USP13: variants seen among roughly 807,000 people sequenced by gnomAD.
USP13 encodes ubiquitin carboxyl-terminal hydrolase 13.
A neutral mutation model predicts 107.8 loss-of-function variants in USP13; 68 were observed. That is an observed-to-expected ratio of 0.63 (90% confidence interval 0.52 to 0.77). The LOEUF (loss-of-function observed/expected upper bound fraction) is 0.77. Among genes scored for constraint, USP13 ranks in the 30% least tolerant of loss-of-function variants. USP13 has a pLI of 0.00. For missense variants in USP13, 945 were observed against 1,093.3 expected (o/e 0.86, Z 1.91); for synonymous variants, 377 against 389.5 (o/e 0.97, Z 0.38).
intron 4 of USP13, 133 bp downstream of exon 4, chr3:179,701,262 G>A: frequency 8.3e-7 from 1 of 1,211,540 alleles, no homozygotes. Context: ...GGATGAAAAT[G>A]AGCATGAACA....
chr3:179,666,308 T>C (rs893197665), intron 1 of USP13, among the ~76,000 whole-genome samples: 2 of 152,228 alleles, frequency 1.3e-5, no homozygotes, highest in Non-Finnish European at 2.9e-5. Flanking sequence ...ATCATTTGTG[T>C]AAAGCTGCTG....
Position 179,653,159 on chromosome 3 carries a change from C to T in USP13, c.-67C>T. 1 of 1,086,380 alleles carries T rather than the reference C, an allele frequency of 9.2e-7. No homozygotes were observed. Among genetic ancestry groups the T allele is most frequent in the Non-Finnish European group, 1.1e-6 (1 of 894,828 alleles). The allele number at this position is 1,086,380 out of a possible 1,614,324, so 67.3% of individuals were successfully genotyped here. ...CCCGTCAGCCCGCTCGCTGGCGCCG[C>T]CGCCGCCGGCAGACCCCGCGCTCCG... On this transcript the variant is annotated 5_prime_UTR_variant, in exon 1 of 21. Transcript: ENST00000263966. The surrounding 1 kb of genome is among the most constrained non-coding windows in gnomAD (Gnocchi z 4.0).
rs1204799876 is a variant in USP13 at position 179,742,561 on chromosome 3, T to G, written c.1534+211T>G. Among the ~76,000 whole-genome samples, 2 of 152,208 alleles carry G rather than the reference T, an allele frequency of 1.3e-5. No individual in the cohort carries two copies. Among genetic ancestry groups the G allele is most frequent in the Non-Finnish European group, 2.9e-5 (2 of 68,030 alleles). The stretch of plus-strand genomic sequence containing the variant: ...ATGCATCACAGGTTTTATGGAGGCG[T>G]TATGGTTGGAACCTACGTCACTGCC... On this transcript the variant is annotated intron_variant, in intron 12 of 20. Transcript: ENST00000263966. The surrounding 1 kb of genome is among the most constrained non-coding windows in gnomAD (Gnocchi z 5.0).
chr3:179,749,094 T>G (rs1714508922), intron 13 of USP13, among the ~76,000 whole-genome samples: 1 of 151,978 alleles, frequency 6.6e-6, no homozygotes, highest in African/African-American at 2.4e-5. Context: ...AAGATTATGG[T>G]TTTTTTTAGT....
chr3:179,721,843 G>A lies in USP13; in HGVS notation c.1088+254G>A, dbSNP rs1329195778. 6.6e-6 allele frequency among the ~76,000 whole-genome samples: 1 copy of A among 151,940 alleles called. No homozygotes were observed. The highest frequency in any genetic ancestry group is 2.4e-5 in the African/African-American group (1 of 41,340). On this transcript the variant is annotated intron_variant, in intron 8 of 20. Coordinates refer to ENST00000263966, the MANE Select transcript of USP13 (RefSeq NM_003940.3). This position sits in a 1 kb window ranked among gnomAD's most constrained non-coding sequence, Gnocchi z 4.3. ...TCTCAGCACTTTGGGAGGCCGAGGC[G>A]GGCAGATCACGAGGTCAGGAGTTCA...
At chr3:179,694,600 C>CAA (rs1712221541) in intron 3 of USP13, among the ~76,000 whole-genome samples, 1 of 151,778 alleles carries the variant, frequency 6.6e-6, no homozygotes, top group Non-Finnish European at 1.5e-5. Context: ...GTCAGGAGTT[C>CAA]GGCAGCCTGG....
At position 179,785,021 on chromosome 3, in the gene USP13, C is replaced by T. The variant is rs575872866; in HGVS notation, c.*880C>T. 2.0e-5 allele frequency: 3 copies of T among 152,192 alleles called. No homozygotes were observed. Among genetic ancestry groups the T allele is most frequent in the Non-Finnish European group, 4.4e-5 (3 of 68,032 alleles). 9.4% of individuals were successfully genotyped at this position (152,192 alleles called of 1,614,324 possible). ...CTGGTGTAATGCTAGATGCCCACAG[C>T]AGCATAATATTGTACTTTGTCAAAG... is the stretch of plus-strand genomic sequence containing the variant. On this transcript the variant is annotated 3_prime_UTR_variant, in exon 21 of 21. Coordinates refer to ENST00000263966, the MANE Select transcript of USP13 (RefSeq NM_003940.3).
intron 17 of USP13, 52 bp from the exon 18 acceptor site, chr3:179,763,950 C>CAAA (rs556912091): frequency 1.1e-3 from 1,327 of 1,229,486 alleles, no homozygotes; most frequent in African/African-American, 1.9e-3. Flanking sequence ...TGTTTCAGGA[C>CAAA]AAAAAAAAAA....
chr3:179,733,525 A>C (rs898116896), intron 10 of USP13, among the ~76,000 whole-genome samples: 3 of 151,960 alleles, frequency 2.0e-5, no homozygotes, highest in Non-Finnish European at 2.9e-5. Context: ...AATTTGTGAG[A>C]CTCTTTCCTT....
chr3:179,740,515 C>T, intron 11 of USP13, 143 bp downstream of exon 11: 1 of 1,299,818 alleles, frequency 7.7e-7, no homozygotes, highest in Non-Finnish European at 1.1e-6. Flanking sequence ...AGAATCAGAT[C>T]CCTGGAAACT....
intron 8 of USP13, among the ~76,000 whole-genome samples, chr3:179,727,381 C>CT (rs1373147571): frequency 8.6e-6 from 1 of 116,610 alleles, no homozygotes; most frequent in African/African-American, 3.1e-5. Flanking sequence ...AAGGAGCATG[C>CT]TGCCTTCAAG....
chr3:179,705,990 T>C (rs914419547), intron 4 of USP13, among the ~76,000 whole-genome samples: 4 of 152,208 alleles, frequency 2.6e-5, no homozygotes, highest in African/African-American at 9.6e-5. Flanking sequence ...CCCAAAGTGC[T>C]AGGATTACAG....
Position 179,745,067 on chromosome 3 carries a change from C to T in USP13, c.1559C>T (p.Thr520Met), listed in dbSNP as rs754542205. Reference sequence around the variant, plus strand: ...GATGAACTGATCGCTTATGAACTAACGAGAAGGGAAGCAGAAGCAAACAGA... The same window carrying T: ...GATGAACTGATCGCTTATGAACTAATGAGAAGGGAAGCAGAAGCAAACAGA... ...NKDELIAYEL[T>M]RREAEANRRP... Residue 520 changes from threonine (T) to methionine (M), a missense_variant, in exon 13 of 21, where the codon ACG becomes ATG. Physicochemically the swap from Thr to Met is moderately conservative, Grantham distance 81. Coordinates refer to ENST00000263966, the MANE Select transcript of USP13 (RefSeq NM_003940.3). The T allele has an allele frequency of 7.4e-5, 120 of 1,613,984 alleles. No individual in the cohort carries two copies. Among genetic ancestry groups the T allele is most frequent in the Middle Eastern group, 1.6e-4 (1 of 6,084 alleles).
chr3:179,774,145 A>C (rs1328309312), intron 19 of USP13, among the ~76,000 whole-genome samples: 1 of 152,156 alleles, frequency 6.6e-6, no homozygotes, highest in Non-Finnish European at 1.5e-5. Context: ...CAAGAGAGAG[A>C]ACAAGCGAGA....
At chr3:179,663,622 A>G (rs545861327) in intron 1 of USP13, among the ~76,000 whole-genome samples, 2 of 152,314 alleles carry the variant, frequency 1.3e-5, no homozygotes, top group South Asian at 4.1e-4. Flanking sequence ...ACACTCTTGG[A>G]TATTTTTAAA....
intron 15 of USP13, among the ~76,000 whole-genome samples, chr3:179,756,273 G>A (rs1165556255): frequency 1.3e-5 from 2 of 152,008 alleles, no homozygotes; most frequent in Non-Finnish European, 1.5e-5. Flanking sequence ...AAATACGAAA[G>A]TTCACTGGGC....
At chr3:179,733,639 T>C (rs189099658) in intron 10 of USP13, among the ~76,000 whole-genome samples, 48 of 152,320 alleles carry the variant, frequency 3.2e-4, no homozygotes, top group Admixed American at 2.0e-3. Flanking sequence ...GGAAAGAAGA[T>C]TCACTGAAAC....
At chr3:179,695,548 A>G (rs1467362044) in intron 3 of USP13, among the ~76,000 whole-genome samples, 1 of 151,512 alleles carries the variant, frequency 6.6e-6, no homozygotes, top group Non-Finnish European at 1.5e-5. Flanking sequence ...TTTTTTTTTA[A>G]CTAGCAACGA....
intron 3 of USP13, among the ~76,000 whole-genome samples, chr3:179,699,483 G>A (rs543494490): frequency 2.0e-5 from 3 of 152,170 alleles, no homozygotes; most frequent in African/African-American, 7.2e-5. Flanking sequence ...ATGCTGAGGT[G>A]GGGGGATTGC....
Sources: gnomAD v4.1 joint callset for allele counts (sites outside exome capture counted in the v4.1 genomes callset) on GRCh38, gnomAD v4.1.1 for gene constraint, Gnocchi (gnomAD v3.1) non-coding constraint, MANE v1.5 for transcripts, NCBI Gene and HGNC (gene_info 2026-07-23, HGNC 2026-07-21) for gene names.